Variants in TMEM50B observed in about 807,000 individuals in gnomAD.
TMEM50B encodes HCV p7-trans-regulated protein 3.
A neutral mutation model predicts 23.4 loss-of-function variants in TMEM50B; 14 were observed. The ratio of observed to expected loss-of-function variants is 0.60; its 90% CI spans 0.39 to 0.93. TMEM50B has a LOEUF of 0.93. Among genes scored for constraint, TMEM50B ranks in the 40% least tolerant of loss-of-function variants. The pLI is 0.00. For missense variants in TMEM50B, 159 were observed against 193.0 expected (o/e 0.82, Z 1.04); for synonymous variants, 64 against 62.3 (o/e 1.03, Z -0.13).
intron 8 of TMEM50B, among the ~76,000 whole-genome samples, chr21:33,435,673 A>G (rs1346318132): frequency 6.6e-6 from 1 of 151,618 alleles, no homozygotes; most frequent in East Asian, 2.0e-4. Flanking sequence ...TCATGAAGTC[A>G]GGAGATCGAG....
chr21:33,445,676 C>CA (rs1467925447), downstream of TMEM50B, among the ~76,000 whole-genome samples: 1 of 152,004 alleles, frequency 6.6e-6, no homozygotes, highest in Non-Finnish European at 1.5e-5. Flanking sequence ...CATGTGCCTA[C>CA]AATCCCAGTT....
chr21:33,468,756 T>C (rs1455009808), intron 2 of TMEM50B, 31 bp downstream of exon 2: 1 of 1,564,806 alleles, frequency 6.4e-7, no homozygotes, highest in African/African-American at 1.4e-5. Flanking sequence ...AGGTAAGGGA[T>C]ACATGTCACC....
Position 33,437,021 on chromosome 21 carries a change from T to C in TMEM50B, c.*2120+2193A>G. 4 of 1,587,396 alleles carry C rather than the reference T, an allele frequency of 2.5e-6. No homozygotes were observed. In the Admixed American group the frequency reaches 5.0e-5, roughly 20 times the overall value. On this transcript the variant is annotated intron_variant and NMD_transcript_variant, in intron 8 of 8. Coordinates refer to the TMEM50B transcript ENST00000420455. ...GAAGAGATCAAGCCATCGGAGCTGC[T>C]AGAGTTCTGTCTGGACTTTCCAGAG... is the stretch of plus-strand genomic sequence containing the variant.
intron 7 of TMEM50B, among the ~76,000 whole-genome samples, chr21:33,441,401 A>C (rs1217446254): frequency 6.6e-6 from 1 of 152,188 alleles, no homozygotes; most frequent in Admixed American, 6.5e-5. Flanking sequence ...AACTATGTAC[A>C]TATTTAGGAA....
downstream of TMEM50B, among the ~76,000 whole-genome samples, chr21:33,446,037 G>T (rs1240052895): frequency 6.6e-6 from 1 of 151,788 alleles, no homozygotes; most frequent in Non-Finnish European, 1.5e-5. Context: ...AACGCAATTG[G>T]AAGAATTCTT....
At chr21:33,461,490 G>A (rs1051478296) in intron 4 of TMEM50B, among the ~76,000 whole-genome samples, 11 of 152,058 alleles carry the variant, frequency 7.2e-5, no homozygotes, top group South Asian at 2.1e-4. Flanking sequence ...TTTATCTAAC[G>A]TGAATAAAAG....
Position 33,460,421 on chromosome 21 carries a change from A to C in TMEM50B, c.365T>G (p.Val122Gly). The change falls in exon 5 of 7, where the codon GTT (valine) becomes GGT (glycine). Residue 122 changes from valine (V) to glycine (G), a missense_variant. By Grantham distance (109) the Val-to-Gly change is moderately radical. Transcript: ENST00000542230. ...GAAGAATATATACTTACTTTGGGTA[A>C]CATATGCACCAAAAAGAATCCACAT... The part of the protein sequence containing the change: ...ASMWILFGAY[V>G]TQNTDVYPGL... 1 of 1,595,592 alleles carries C rather than the reference A, an allele frequency of 6.3e-7. No homozygotes were observed. Among genetic ancestry groups the C allele is most frequent in the Non-Finnish European group, 8.6e-7 (1 of 1,166,148 alleles).
At position 33,465,421 on chromosome 21, in the gene TMEM50B, CA is replaced by C. The variant is rs1568983771; in HGVS notation, c.213-13del. On this transcript the variant is annotated splice_polypyrimidine_tract_variant and intron_variant, in intron 3 of 6. Transcript: ENST00000542230. ...ATACAGCATTTATCCTAGAACGGCA[CA>C]AAATCATCAAATGAATTTCAGTATT... The C allele has an allele frequency of 4.4e-6, 7 of 1,600,922 alleles. No individual in the cohort carries two copies. The highest frequency in any genetic ancestry group is 6.0e-6 in the Non-Finnish European group (7 of 1,173,676).
At chr21:33,447,259 G>A (rs888605372), downstream of TMEM50B, 1 of 151,932 alleles carries the variant, frequency 6.6e-6, no homozygotes, top group African/African-American at 2.4e-5. Flanking sequence ...ACACCTTCAG[G>A]GCCACCAGTG....
At chr21:33,468,085 G>A (rs2084280755) in intron 2 of TMEM50B, among the ~76,000 whole-genome samples, 1 of 105,328 alleles carries the variant, frequency 9.5e-6, no homozygotes, top group African/African-American at 2.8e-5. Flanking sequence ...AAAAAAAAGT[G>A]CGGACAGAGA....
intron 6 of TMEM50B, among the ~76,000 whole-genome samples, chr21:33,454,384 C>T (rs779418256): frequency 1.3e-5 from 2 of 152,028 alleles, no homozygotes; most frequent in Admixed American, 6.6e-5. Flanking sequence ...CTCCAACCCC[C>T]GTGTCTCCTG....
chr21:33,464,804 C>CAAAAAAAAA (rs59855166), intron 4 of TMEM50B, among the ~76,000 whole-genome samples: 20 of 100,850 alleles, frequency 2.0e-4, no homozygotes, highest in Admixed American at 3.3e-4. Flanking sequence ...AACTCCGTCT[C>CAAAAAAAAA]AAAAAAAAAA....
At chr21:33,448,185 G>A (rs533797123), downstream of TMEM50B, among the ~76,000 whole-genome samples, 104 of 152,024 alleles carry the variant, frequency 6.8e-4, no homozygotes, top group African/African-American at 2.4e-3. Flanking sequence ...AGTACAGACC[G>A]GGTTTCAGTA....
rs970506611 is a variant in TMEM50B at position 33,479,215 on chromosome 21, A to G, written c.-42+623T>C. 2.4e-5 allele frequency: 4 copies of G among 168,890 alleles called. No individual in the cohort carries two copies. The Admixed American group carries it at 2.4e-4, about 10-fold the overall frequency. The allele number at this position is 168,890 out of a possible 1,614,324, so 10.5% of individuals were successfully genotyped here. On this transcript the variant is annotated intron_variant, in intron 1 of 6. Transcript: ENST00000542230. ...CGCGACTACCACTGCTCCAGTGACA[A>G]TGCTCTGCTGCTACTTATTTAACGG...
At chr21:33,445,241 T>C (rs1239774777), downstream of TMEM50B, among the ~76,000 whole-genome samples, 1 of 152,166 alleles carries the variant, frequency 6.6e-6, no homozygotes, top group African/African-American at 2.4e-5. Context: ...ACTGGCATAA[T>C]CCATGAGGGT....
chr21:33,444,165 C>T (rs184667336), downstream of TMEM50B, among the ~76,000 whole-genome samples: 85 of 106,700 alleles, frequency 8.0e-4, no homozygotes, highest in Admixed American at 3.1e-3. Context: ...CCTCCCAAAG[C>T]ACTGAGATAT....
At chr21:33,434,501 G>A (rs906774515) in intron 8 of TMEM50B, among the ~76,000 whole-genome samples, 1 of 152,080 alleles carries the variant, frequency 6.6e-6, no homozygotes. Flanking sequence ...TAGCTTGGGT[G>A]GCAGAGCAAG....
downstream of TMEM50B, among the ~76,000 whole-genome samples, chr21:33,446,020 T>C (rs1162858925): frequency 1.3e-5 from 2 of 152,022 alleles, no homozygotes; most frequent in African/African-American, 4.8e-5. Context: ...CACAACTGTC[T>C]AGTAACAACG....
chr21:33,472,182 G>A lies in TMEM50B; in HGVS notation c.-41-3256C>T, dbSNP rs193063240. 6.8e-3 allele frequency among the ~76,000 whole-genome samples: 1,033 copies of A among 151,730 alleles called. 7 individuals carry two copies. Among genetic ancestry groups the A allele is most frequent in the Non-Finnish European group, 0.012 (791 of 67,918 alleles). ...GGGGATCACGAGGTCAAGAGATCGA[G>A]ACCATCCTGGCCAACATGGTGAAAC... On this transcript the variant is annotated intron_variant, in intron 1 of 6. Coordinates refer to ENST00000542230, the MANE Select transcript of TMEM50B (RefSeq NM_006134.7).
Sources: allele counts gnomAD v4.1 joint callset (sites outside exome capture counted in the v4.1 genomes callset), GRCh38; gene constraint gnomAD v4.1.1; transcripts MANE v1.5; gene names NCBI Gene and HGNC (gene_info 2026-07-23, HGNC 2026-07-21).